Variants in CTBP2 observed in about 807,000 individuals in gnomAD.
CTBP2 encodes the protein C-terminal binding protein 2.
In CTBP2, 30 loss-of-function variants were observed where a neutral mutation model predicts 80.3. The ratio of observed to expected loss-of-function variants is 0.37; its 90% CI spans 0.28 to 0.51. The LOEUF (loss-of-function observed/expected upper bound fraction) is 0.51. Ranked by LOEUF, CTBP2 falls within the 20% of genes least tolerant of loss-of-function variation. CTBP2 has a pLI of 0.93. For missense variants in CTBP2, 1,212 were observed against 1,375.3 expected, an observed-to-expected ratio of 0.88 and a Z score of 1.88; for synonymous variants, 594 against 587.4, an observed-to-expected ratio of 1.01 and a Z score of -0.16.
chr10:124,994,351 C>A (rs1953158157), intron 5 of CTBP2, 118 bp downstream of exon 7: 9 of 1,005,330 alleles, frequency 9.0e-6, no homozygotes, highest in Non-Finnish European at 1.4e-5. Context: ...AGGGCCTCTT[C>A]CCTGCTCAAC....
chr10:125,027,280 G>A lies in CTBP2; in HGVS notation c.480C>T (p.Asp160=), dbSNP rs746329421. The A allele has an allele frequency of 7.4e-6, 12 of 1,613,602 alleles. No homozygotes were observed. Among genetic ancestry groups the A allele is most frequent in the Middle Eastern group, 1.6e-4 (1 of 6,084 alleles). Residue 160 remains aspartate, a synonymous_variant, in exon 1 of 9, where the codon GAC becomes GAT. Coordinates refer to ENST00000309035, the MANE Select transcript of CTBP2 (RefSeq NM_022802.3). ...CAGGATCCCGGTACAGGTGACCGGCGTCCTGCAGGGCAGGTGACCGGCCTT... is the reference window on the plus strand; with the variant it reads ...CAGGATCCCGGTACAGGTGACCGGCATCCTGCAGGGCAGGTGACCGGCCTT...
In CTBP2 at chr10:125,026,836, T is replaced by C. The variant is rs748043798; in HGVS notation, c.924A>G (p.Gly308=). 18 of 1,613,330 alleles carry C rather than the reference T, an allele frequency of 1.1e-5. No individual in the cohort carries two copies. Among genetic ancestry groups the C allele is most frequent in the Non-Finnish European group, 1.4e-5 (17 of 1,179,962 alleles). The change falls in exon 1 of 9, where the codon GGA becomes GGG. Residue 308 remains glycine, a synonymous_variant. Coordinates refer to ENST00000309035, the MANE Select transcript of CTBP2 (RefSeq NM_022802.3). ...AGTCAAAGCCCTGCTGCAGTAGGGC[T>C]CCCAGCGTGGCCTCTGCCAGCCCCT...
chr10:125,003,600 G>A, intron 1 of CTBP2, 108 bp from the exon 4 acceptor site: 2 of 899,378 alleles, frequency 2.2e-6, no homozygotes, highest in South Asian at 2.1e-5. Flanking sequence ...GGCAAGCGAG[G>A]GTGGCGGAGC....
chr10:125,162,307 T>A (rs1861944840), upstream of CTBP2: 3 of 152,234 alleles, frequency 2.0e-5, no homozygotes, highest in Non-Finnish European at 4.4e-5. Flanking sequence ...CCCCGCGCCC[T>A]GCAGAGCCGA....
chr10:125,026,518 G>T lies in CTBP2; in HGVS notation c.1242C>A (p.Leu414=), dbSNP rs1354820396. The T allele has an allele frequency of 2.0e-5, 32 of 1,596,144 alleles. No homozygotes were observed. The highest frequency in any genetic ancestry group is 2.7e-5 in the Non-Finnish European group (32 of 1,170,408). ...CAGAATAGGTGGCTGCCGTCTCCAG[G>T]AGGTGCTGAGATGGTGCGCTGGAGG... Residue 414 remains leucine (L), a synonymous_variant, in exon 1 of 9, where the codon CTC becomes CTA. Coordinates refer to ENST00000309035, the MANE Select transcript of CTBP2 (RefSeq NM_022802.3).
At chr10:125,108,021 A>G (rs1851714716) in intron 2 of CTBP2, among the ~76,000 whole-genome samples, 1 of 152,260 alleles carries the variant, frequency 6.6e-6, no homozygotes, top group African/African-American at 2.4e-5. Flanking sequence ...ACAAAATAGT[A>G]CTAAAAAACC....
chr10:125,159,379 C>A (rs1051008470), intron 1 of CTBP2, among the ~76,000 whole-genome samples: 2 of 145,536 alleles, frequency 1.4e-5, no homozygotes, highest in South Asian at 4.3e-4. Context: ...CCCGCGGGAG[C>A]GCGGCCGGGC....
intron 2 of CTBP2, among the ~76,000 whole-genome samples, chr10:125,086,896 G>A (rs1289463141): frequency 2.0e-5 from 3 of 152,078 alleles, no homozygotes; most frequent in Non-Finnish European, 4.4e-5. Context: ...TAGAACACAA[G>A]TTCAGTGGGA....
At chr10:125,142,832 G>T (rs559209104) in intron 1 of CTBP2, among the ~76,000 whole-genome samples, 1 of 152,228 alleles carries the variant, frequency 6.6e-6, no homozygotes, top group East Asian at 1.9e-4. Context: ...TGAAGCACAT[G>T]CTCGCAGAGG....
At chr10:125,031,586 C>G (rs1280360708), upstream of CTBP2, among the ~76,000 whole-genome samples, 3 of 147,394 alleles carry the variant, frequency 2.0e-5, no homozygotes, top group Admixed American at 6.8e-5. Flanking sequence ...GTTGGCTAAT[C>G]TAACGCAAAG....
intron 1 of CTBP2, among the ~76,000 whole-genome samples, chr10:125,006,559 C>G (rs920955081): frequency 4.6e-5 from 7 of 152,172 alleles, no homozygotes; most frequent in African/African-American, 1.7e-4. Flanking sequence ...CTTGCTGGAG[C>G]CTGGGGCAGA....
At chr10:125,072,982 T>C (rs1003326130) in intron 2 of CTBP2, among the ~76,000 whole-genome samples, 8 of 152,160 alleles carry the variant, frequency 5.3e-5, no homozygotes, top group African/African-American at 1.9e-4. Context: ...ATGCAATAAA[T>C]AGAGATGACA....
chr10:125,155,707 A>G (rs1003787646), intron 1 of CTBP2, among the ~76,000 whole-genome samples: 25 of 152,166 alleles, frequency 1.6e-4, no homozygotes, highest in African/African-American at 6.0e-4. Flanking sequence ...ACTCTTTCAT[A>G]AGTCTTTGAT....
chr10:125,051,083 A>G (rs920461), intron 2 of CTBP2, among the ~76,000 whole-genome samples: 2,279 of 152,322 alleles, frequency 0.015, 61 homozygotes, highest in African/African-American at 0.051. Context: ...GCCATTTAAA[A>G]ATCTGCTCTG....
intron 2 of CTBP2, among the ~76,000 whole-genome samples, chr10:125,078,995 A>T (rs1846740465): frequency 6.6e-6 from 1 of 151,232 alleles, no homozygotes; most frequent in Non-Finnish European, 1.5e-5. Flanking sequence ...AAAAAAAAAA[A>T]AACGAGCCGG....
chr10:125,005,899 T>C (rs1955180747), intron 1 of CTBP2: 36 of 1,518,840 alleles, frequency 2.4e-5, no homozygotes, highest in Non-Finnish European at 2.9e-5. Context: ...AGTGCCTGAT[T>C]ATAAGAAATC....
upstream of CTBP2, among the ~76,000 whole-genome samples, chr10:125,031,587 T>C (rs1453904720): frequency 6.9e-6 from 1 of 144,934 alleles, no homozygotes; most frequent in Non-Finnish European, 1.5e-5. Context: ...TTGGCTAATC[T>C]AACGCAAAGG....
intron 2 of CTBP2, among the ~76,000 whole-genome samples, chr10:125,074,462 C>T (rs1845985601): frequency 6.6e-6 from 1 of 152,226 alleles, no homozygotes; most frequent in Admixed American, 6.5e-5. Context: ...TCAAGCGATT[C>T]TCCTGCCTCA....
chr10:125,112,728 C>T (rs1852518731), intron 1 of CTBP2, among the ~76,000 whole-genome samples: 1 of 152,324 alleles, frequency 6.6e-6, no homozygotes, highest in Non-Finnish European at 1.5e-5. Flanking sequence ...GCCCAGCCAA[C>T]ATTCTGCTTT....
Sources: allele counts gnomAD v4.1 joint callset (sites outside exome capture counted in the v4.1 genomes callset), GRCh38; gene constraint gnomAD v4.1.1; transcripts MANE v1.5; gene names NCBI Gene and HGNC (gene_info 2026-07-23, HGNC 2026-07-21).